The following ZZEF1 variants were observed in gnomAD, a reference collection of about 807,000 sequenced individuals.
ZZEF1 encodes zinc finger ZZ-type and EF-hand domain-containing protein 1.
A neutral mutation model predicts 342.8 loss-of-function variants in ZZEF1; 157 were observed. The ratio of observed to expected loss-of-function variants is 0.46; its 90% CI spans 0.40 to 0.52. The LOEUF (loss-of-function observed/expected upper bound fraction) is 0.52, where lower values mean the gene tolerates loss of function less well. Ranked by LOEUF, ZZEF1 falls within the 20% of genes least tolerant of loss-of-function variation. ZZEF1 has a pLI of 0.00. For synonymous variants in ZZEF1, 1,505 were observed against 1,429.1 expected (o/e 1.05, Z -1.20); for missense variants, 3,480 against 3,725.6 (o/e 0.93, Z 1.72).
At chr17:4,061,308 G>T (rs578239545) in intron 30 of ZZEF1, among the ~76,000 whole-genome samples, 1 of 152,142 alleles carries the variant, frequency 6.6e-6, no homozygotes, top group East Asian at 1.9e-4. Context: ...CCTGGTTTTT[G>T]ATCTACCTGA....
intron 14 of ZZEF1, 133 bp downstream of exon 14, chr17:4,087,301 C>A: frequency 1.6e-6 from 1 of 632,598 alleles, no homozygotes; most frequent in South Asian, 2.2e-5. Flanking sequence ...TCAATAATAA[C>A]CATATATTTT....
At position 4,056,247 on chromosome 17, in the gene ZZEF1, AT is replaced by A; in HGVS notation, c.5263del (p.Ile1755Ter). 2 of 1,589,610 alleles carry A rather than the reference AT, an allele frequency of 1.3e-6. No individual in the cohort carries two copies. Among genetic ancestry groups the A allele is most frequent in the Non-Finnish European group, 1.7e-6 (2 of 1,167,760 alleles). ...CTGCTTCTCTGGATCTTCCTGGGCT[AT>A]TTTTTCATACCAGGCCTCAAACATG... The part of the protein sequence containing the change: ...DGMFEAWYEK[I>X]AQEDPEKQRK... On this transcript the variant is annotated frameshift_variant, in exon 33 of 55. Transcript: ENST00000381638. LOFTEE classifies it high-confidence loss of function.
intron 6 of ZZEF1, 102 bp from the exon 7 acceptor site, chr17:4,105,911 GACAGTGTTCCC>G (rs1233537410): frequency 2.3e-6 from 2 of 879,908 alleles, no homozygotes; most frequent in African/African-American, 3.5e-5. Context: ...CTTATAAACA[GACAGTGTTCCC>G]ACAGAGAAGC....
In ZZEF1 at chr17:4,042,494, A is replaced by C; in HGVS notation, c.6241T>G (p.Phe2081Val). The C allele has an allele frequency of 6.2e-7, 1 of 1,614,086 alleles. No individual in the cohort carries two copies. ...ATCCTCTTCTGGGAACACTCAGCAA[A>C]CACTTGCTCAGGGCTTGGAGTAACT... is the stretch of plus-strand genomic sequence containing the variant. ...KAVTPSPEQV[F>V]AECSQKRILG... is the part of the protein sequence containing the mutation. The change falls in exon 39 of 55, where the codon TTT becomes GTT. Residue 2081 changes from phenylalanine to valine, a missense_variant. Physicochemically the swap from Phe to Val is conservative, Grantham distance 50. Transcript: ENST00000381638.
chr17:4,126,914 C>T (rs1348648109), intron 1 of ZZEF1, among the ~76,000 whole-genome samples: 1 of 152,002 alleles, frequency 6.6e-6, no homozygotes, highest in African/African-American at 2.4e-5. Flanking sequence ...TTGCAGTGAG[C>T]CAAAATTATA....
At chr17:4,123,837 G>A (rs866889860) in intron 2 of ZZEF1, 70 bp downstream of exon 2, 2 of 1,539,534 alleles carry the variant, frequency 1.3e-6, no homozygotes, top group South Asian at 2.5e-5. Flanking sequence ...CCACAATTTT[G>A]CCTAATTTCA....
intron 28 of ZZEF1, among the ~76,000 whole-genome samples, chr17:4,065,081 C>T (rs1266067114): frequency 6.6e-6 from 1 of 151,950 alleles, no homozygotes; most frequent in East Asian, 1.9e-4. Flanking sequence ...TTAAATGTCA[C>T]AATTTAGGGC....
In ZZEF1 at chr17:4,034,162, C is replaced by T. The variant is rs1435572110; in HGVS notation, c.6437G>A (p.Arg2146His). The T allele has an allele frequency of 1.2e-5, 19 of 1,614,016 alleles. No homozygotes were observed. Among genetic ancestry groups the T allele is most frequent in the Middle Eastern group, 1.6e-4 (1 of 6,084 alleles). Residue 2146 changes from arginine to histidine, a missense_variant, in exon 40 of 55, where the codon CGT (arginine) becomes CAT (histidine). Physicochemically the swap from Arg to His is conservative, Grantham distance 29. Transcript: ENST00000381638. Reference sequence around the variant, plus strand: ...GGCGTCTACCTCTGCTGGCAAAAGACGGATAATTAACTGGCCGAGAAGACC... The same window carrying T: ...GGCGTCTACCTCTGCTGGCAAAAGATGGATAATTAACTGGCCGAGAAGACC... ...TLGLLGQLII[R>H]LLPAEVDAAV...
chr17:4,035,667 T>A (rs1218419744), intron 39 of ZZEF1, among the ~76,000 whole-genome samples: 5 of 152,162 alleles, frequency 3.3e-5, no homozygotes, highest in African/African-American at 1.2e-4. Flanking sequence ...GGTGAGGGCA[T>A]CTGCGCGGGG....
At chr17:4,076,581 T>C (rs1438081169) in intron 21 of ZZEF1, 56 bp downstream of exon 21, 1 of 1,572,526 alleles carries the variant, frequency 6.4e-7, no homozygotes, top group Admixed American at 1.7e-5. Flanking sequence ...TCACTAAGTG[T>C]GTCCCATCAC....
chr17:4,025,171 T>C, intron 42 of ZZEF1, 53 bp from the exon 43 acceptor site: 1 of 1,537,658 alleles, frequency 6.5e-7, no homozygotes, highest in South Asian at 1.1e-5. Flanking sequence ...CAGTTCATGC[T>C]TCCAGCAGCT....
rs190840559 is a variant in ZZEF1, at chr17:4,078,744, C to G, written c.2830-702G>C. On this transcript the variant is annotated intron_variant, in intron 18 of 54. Coordinates refer to ENST00000381638, the MANE Select transcript of ZZEF1 (RefSeq NM_015113.4). ...ACTACCTGATGACATATTTGCTCCT[C>G]AAGACTGTGCTTTTTTAAAATCACT... is the stretch of plus-strand genomic sequence containing the variant. Among the ~76,000 whole-genome samples, 174 of 152,324 alleles carry G rather than the reference C, an allele frequency of 1.1e-3. 1 individual carries two copies. The highest frequency in any genetic ancestry group is 0.01 in the Middle Eastern group (3 of 294).
At chr17:4,124,872 T>C (rs759606697) in intron 1 of ZZEF1, among the ~76,000 whole-genome samples, 1 of 152,192 alleles carries the variant, frequency 6.6e-6, no homozygotes, top group Non-Finnish European at 1.5e-5. Context: ...TGTTGGGCCA[T>C]CTGGGGAACC....
chr17:4,126,849 T>C (rs1398950213), intron 1 of ZZEF1, among the ~76,000 whole-genome samples: 1 of 151,964 alleles, frequency 6.6e-6, no homozygotes, highest in African/African-American at 2.4e-5. Context: ...CACCTGTAAT[T>C]CCAGCTACTC....
chr17:4,129,456 T>C (rs2058629483), intron 1 of ZZEF1, among the ~76,000 whole-genome samples: 1 of 152,074 alleles, frequency 6.6e-6, no homozygotes, highest in Non-Finnish European at 1.5e-5. Flanking sequence ...CTATTCACCA[T>C]AGCAAAGACA....
At chr17:4,042,363 G>A (rs2145114712) in intron 39 of ZZEF1, 66 bp downstream of exon 39, 1 of 1,516,266 alleles carries the variant, frequency 6.6e-7, no homozygotes. Context: ...GTTTCAGTAT[G>A]TGGCTTTCCA....
Position 4,013,743 on chromosome 17 carries a change from CTG to C in ZZEF1, c.8414-131_8414-130del, listed in dbSNP as rs570088936. ...TTATAAACTGCTCAAATTTTAATAA[CTG>C]TGATCATTTAAATTCTGGCTGAAAT... On this transcript the variant is annotated intron_variant, in intron 51 of 54. Coordinates refer to ENST00000381638, the MANE Select transcript of ZZEF1 (RefSeq NM_015113.4). 1.2e-3 allele frequency: 1,279 copies of C among 1,068,850 alleles called. 5 individuals carry two copies. The highest frequency in any genetic ancestry group is 2.2e-3 in the Admixed American group (69 of 31,696). 66.2% of individuals were successfully genotyped at this position (1,068,850 alleles called of 1,614,324 possible).
At chr17:4,082,601 A>G in intron 16 of ZZEF1, 97 bp from the exon 17 acceptor site, 1 of 1,135,004 alleles carries the variant, frequency 8.8e-7, no homozygotes, top group Non-Finnish European at 1.3e-6. Context: ...CACTGTTCTC[A>G]AGTATGAGGA....
chr17:4,046,109 G>A (rs765937579), intron 37 of ZZEF1, among the ~76,000 whole-genome samples: 1 of 152,204 alleles, frequency 6.6e-6, no homozygotes, highest in Admixed American at 6.5e-5. Context: ...TTACAGGCAT[G>A]AGCCACCACG....
Sources: gnomAD v4.1 joint callset for allele counts (sites outside exome capture counted in the v4.1 genomes callset) on GRCh38, gnomAD v4.1.1 for gene constraint, MANE v1.5 for transcripts, NCBI Gene and HGNC (gene_info 2026-07-23, HGNC 2026-07-21) for gene names.